RAB3C: variants seen among roughly 807,000 people sequenced by gnomAD.
The protein encoded by RAB3C is RAB3C, member RAS oncogene family.
Under a neutral mutation model 26.4 loss-of-function variants are expected in RAB3C, and 17 were observed. The observed-to-expected ratio is 0.64, with a 90% CI of 0.44 to 0.97. RAB3C has a LOEUF of 0.97. Ranked by LOEUF, RAB3C falls within the 50% of genes least tolerant of loss-of-function variation. The pLI is 0.00. For missense variants in RAB3C, 242 were observed against 281.9 expected (o/e 0.86, Z 1.01); for synonymous variants, 91 against 95.9 (o/e 0.95, Z 0.30).
At chr5:58,639,802 G>A (rs1165814837) in intron 2 of RAB3C, among the ~76,000 whole-genome samples, 2 of 152,036 alleles carry the variant, frequency 1.3e-5, no homozygotes, top group Non-Finnish European at 2.9e-5. Context: ...ACTTTTAAAG[G>A]AACTCAAATT....
chr5:58,624,711 C>T (rs914613175), intron 2 of RAB3C, among the ~76,000 whole-genome samples: 1 of 152,096 alleles, frequency 6.6e-6, no homozygotes, highest in African/African-American at 2.4e-5. Flanking sequence ...GAGCAATGTA[C>T]AGTGGAACAT....
At chr5:58,633,159 A>G (rs1395897483) in intron 2 of RAB3C, among the ~76,000 whole-genome samples, 2 of 152,234 alleles carry the variant, frequency 1.3e-5, no homozygotes, top group East Asian at 3.9e-4. Context: ...TCAGCAGGCT[A>G]GGAAGCATAC....
chr5:58,748,044 A>C (rs1741436345), intron 3 of RAB3C, among the ~76,000 whole-genome samples: 1 of 152,130 alleles, frequency 6.6e-6, no homozygotes, highest in Non-Finnish European at 1.5e-5. Context: ...AATAATAATA[A>C]CAAAATGTGT....
rs1744300051 is a variant in RAB3C at position 58,857,947 on chromosome 5, C to T, written c.*6596C>T. ...ATAACCGTCTTAAACTCCTACTTGCCATTTCTAAGGCAAAGCATTCATTTT... is the reference window on the plus strand; with the variant it reads ...ATAACCGTCTTAAACTCCTACTTGCTATTTCTAAGGCAAAGCATTCATTTT... On this transcript the variant is annotated 3_prime_UTR_variant, in exon 5 of 5. Transcript: ENST00000282878. The T allele has an allele frequency of 6.6e-6, 1 of 152,158 alleles. No homozygotes were observed. Among genetic ancestry groups the T allele is most frequent in the Non-Finnish European group, 1.5e-5 (1 of 68,020 alleles). The allele number at this position is 152,158 out of a possible 1,614,324, so 9.4% of individuals were successfully genotyped here. A position where few individuals can be genotyped will look rare whatever the true frequency, so the allele number is the denominator to read the frequency against.
rs970268581 is a variant in RAB3C, at chr5:58,854,131, A to T, written c.*2780A>T. 4 of 151,808 alleles carry T rather than the reference A, an allele frequency of 2.6e-5. No individual in the cohort carries two copies. Among genetic ancestry groups the T allele is most frequent in the African/African-American group, 7.3e-5 (3 of 41,278 alleles). The allele number at this position is 151,808 out of a possible 1,614,324, so 9.4% of individuals were successfully genotyped here. On this transcript the variant is annotated 3_prime_UTR_variant, in exon 5 of 5. Coordinates refer to ENST00000282878, the MANE Select transcript of RAB3C (RefSeq NM_138453.4). ...TAAATAAATGCAGGTCATTTTTATC[A>T]ATGGCCTAACTAAATTTATATTTAA...
chr5:58,598,923 G>T (rs1016602254), intron 1 of RAB3C, among the ~76,000 whole-genome samples: 1 of 152,084 alleles, frequency 6.6e-6, no homozygotes, highest in Non-Finnish European at 1.5e-5. Flanking sequence ...TCAAGAAGAA[G>T]AATATCAAAG....
intron 1 of RAB3C, among the ~76,000 whole-genome samples, chr5:58,584,738 ATAAAG>A (rs1167895424): frequency 2.0e-5 from 3 of 152,284 alleles, no homozygotes; most frequent in Non-Finnish European, 2.9e-5. Context: ...TTTTTGAAAA[ATAAAG>A]TAGATTGTTA....
At chr5:58,805,466 T>G (rs532237173) in intron 3 of RAB3C, among the ~76,000 whole-genome samples, 31 of 150,460 alleles carry the variant, frequency 2.1e-4, no homozygotes, top group Non-Finnish European at 4.3e-4. Context: ...GCGCCTATAA[T>G]CCCATCTACA....
intron 3 of RAB3C, among the ~76,000 whole-genome samples, chr5:58,809,615 C>T (rs939546912): frequency 4.6e-5 from 7 of 152,118 alleles, no homozygotes; most frequent in African/African-American, 1.7e-4. Flanking sequence ...AGCCCCAGTA[C>T]CCAATGTGAT....
At chr5:58,739,440 G>T (rs1741228116) in intron 3 of RAB3C, among the ~76,000 whole-genome samples, 1 of 152,024 alleles carries the variant, frequency 6.6e-6, no homozygotes, top group South Asian at 2.1e-4. Flanking sequence ...ATTTATCTTT[G>T]CAGTGCAGTT....
chr5:58,592,567 A>G lies in RAB3C; in HGVS notation c.24+9335A>G, dbSNP rs112215983. ...GTATCATTTTTCTTCAGCCTGAACA[A>G]CCTCGATTAGCATTTCCTGTAGGAT... On this transcript the variant is annotated intron_variant, in intron 1 of 4. Coordinates refer to ENST00000282878, the MANE Select transcript of RAB3C (RefSeq NM_138453.4). Among the ~76,000 whole-genome samples the G allele has an allele frequency of 3.7e-3, 558 of 152,080 alleles. 4 individuals are homozygous for G. Among genetic ancestry groups the G allele is most frequent in the African/African-American group, 0.013 (524 of 41,486 alleles).
At chr5:58,731,347 C>G (rs1212886531) in intron 3 of RAB3C, among the ~76,000 whole-genome samples, 1 of 152,000 alleles carries the variant, frequency 6.6e-6, no homozygotes, top group Non-Finnish European at 1.5e-5. Flanking sequence ...TCACTGTAAG[C>G]CTATTTAGAA....
chr5:58,726,756 A>G (rs75810466), intron 3 of RAB3C, among the ~76,000 whole-genome samples: 5,399 of 152,130 alleles, frequency 0.035, 285 homozygotes, highest in African/African-American at 0.12. Flanking sequence ...TCTGACTCAT[A>G]GCTGCATGAA....
At chr5:58,624,237 G>A (rs138000943) in intron 2 of RAB3C, among the ~76,000 whole-genome samples, 200 of 152,250 alleles carry the variant, frequency 1.3e-3, no homozygotes, top group African/African-American at 4.8e-3. Flanking sequence ...TGCTATAAAT[G>A]GTCCAAAAGG....
In RAB3C at chr5:58,788,208, T is replaced by A. The variant is rs547198355; in HGVS notation, c.372-36830T>A. 3.3e-5 allele frequency: 5 copies of A among 152,392 alleles called. No individual in the cohort carries two copies. In the East Asian group the frequency reaches 9.6e-4, roughly 29 times the overall value. The allele number at this position is 152,392 out of a possible 1,614,324, so 9.4% of individuals were successfully genotyped here. A position where few individuals can be genotyped will look rare whatever the true frequency, so the allele number is the denominator to read the frequency against. ...ACTTAATTCAGCTCTCTCTGCATGC[T>A]GCTTCAGTCTGGCTTCTTTCCATAT... On this transcript the variant is annotated intron_variant, in intron 3 of 4. Transcript: ENST00000282878.
intron 2 of RAB3C, among the ~76,000 whole-genome samples, chr5:58,689,026 T>C (rs1465161012): frequency 6.6e-6 from 1 of 152,100 alleles, no homozygotes; most frequent in Non-Finnish European, 1.5e-5. Flanking sequence ...CATCTCCAAG[T>C]TTATTCTCAT....
chr5:58,821,419 A>G (rs1482412950), intron 3 of RAB3C, among the ~76,000 whole-genome samples: 1 of 152,232 alleles, frequency 6.6e-6, no homozygotes, highest in African/African-American at 2.4e-5. Flanking sequence ...CTTCGTTTGT[A>G]AAAATATATT....
chr5:58,614,494 T>G (rs1371956963), intron 1 of RAB3C, among the ~76,000 whole-genome samples: 1 of 151,098 alleles, frequency 6.6e-6, no homozygotes, highest in Non-Finnish European at 1.5e-5. Flanking sequence ...AAAAAACCCA[T>G]GAACAGTCTT....
intron 2 of RAB3C, among the ~76,000 whole-genome samples, chr5:58,708,394 A>C (rs1748992516): frequency 6.6e-6 from 1 of 152,158 alleles, no homozygotes. Flanking sequence ...CACCAGGCTG[A>C]GCATGTAGCT....
Sources: gnomAD v4.1 joint callset for allele counts (sites outside exome capture counted in the v4.1 genomes callset) on GRCh38, gnomAD v4.1.1 for gene constraint, MANE v1.5 for transcripts, NCBI Gene and HGNC (gene_info 2026-07-23, HGNC 2026-07-21) for gene names.